Variants in XKR4 observed in about 807,000 individuals in gnomAD.
XKR4 encodes XK-related protein 4.
XKR4 carries 12 observed loss-of-function variants against 53.9 expected under a neutral mutation model. That is an observed-to-expected ratio of 0.22 (90% CI 0.14 to 0.36). The LOEUF (loss-of-function observed/expected upper bound fraction) is 0.36, where lower values mean the gene tolerates loss of function less well. Ranked by LOEUF, XKR4 falls within the 10% of genes least tolerant of loss-of-function variation. XKR4 has a pLI of 1.00. For synonymous variants in XKR4, 354 were observed against 362.4 expected (o/e 0.98, Z 0.26); for missense variants, 799 against 859.5 (o/e 0.93, Z 0.88).
intron 2 of XKR4, among the ~76,000 whole-genome samples, chr8:55,483,032 T>C (rs1806134520): frequency 6.6e-6 from 1 of 152,190 alleles, no homozygotes; most frequent in African/African-American, 2.4e-5. Flanking sequence ...TCTAAGTAAA[T>C]GAATATGAGT....
intron 2 of XKR4, among the ~76,000 whole-genome samples, chr8:55,419,938 T>C (rs1283796072): frequency 1.3e-5 from 2 of 152,248 alleles, no homozygotes; most frequent in Non-Finnish European, 2.9e-5. Flanking sequence ...TGACAGCTGG[T>C]AACACAATGA....
At chr8:55,409,757 A>G (rs2129391019) in intron 2 of XKR4, among the ~76,000 whole-genome samples, 1 of 152,322 alleles carries the variant, frequency 6.6e-6, no homozygotes, top group African/African-American at 2.4e-5. Context: ...ATAAAAATCT[A>G]TGGCCCTAGG....
chr8:55,118,185 T>C lies in XKR4; in HGVS notation c.806+14891T>C, dbSNP rs565054639. Among the ~76,000 whole-genome samples, 308 of 152,348 alleles carry C rather than the reference T, an allele frequency of 2.0e-3. 1 individual carries two copies. Among genetic ancestry groups the C allele is most frequent in the African/African-American group, 7.1e-3 (297 of 41,584 alleles). ...AAACACGGAGACTATAGGTCAGTTTTATCTAAAATGTGTCAAATTCATTTG... is the reference window on the plus strand; with the variant it reads ...AAACACGGAGACTATAGGTCAGTTTCATCTAAAATGTGTCAAATTCATTTG... On this transcript the variant is annotated intron_variant, in intron 1 of 2. Transcript: ENST00000327381.
intron 1 of XKR4, among the ~76,000 whole-genome samples, chr8:55,328,454 C>A (rs949078464): frequency 1.3e-5 from 2 of 152,134 alleles, no homozygotes; most frequent in Non-Finnish European, 2.9e-5. Flanking sequence ...CTCCTCACTC[C>A]CCACATCCTG....
intron 1 of XKR4, among the ~76,000 whole-genome samples, chr8:55,340,701 G>A (rs923016847): frequency 2.6e-5 from 4 of 152,156 alleles, no homozygotes; most frequent in South Asian, 2.1e-4. Context: ...TTTTCATTCC[G>A]AGTGAGTTCA....
At position 55,452,727 on chromosome 8, in the gene XKR4, T is replaced by A. The variant is rs773402189; in HGVS notation, c.1007-70554T>A. The A allele has an allele frequency of 8.2e-6, 8 of 976,458 alleles. No individual in the cohort carries two copies. In the East Asian group the frequency reaches 1.2e-4, roughly 15 times the overall value. The allele number at this position is 976,458 out of a possible 1,614,324, so 60.5% of individuals were successfully genotyped here. On this transcript the variant is annotated intron_variant, in intron 2 of 2. Coordinates refer to ENST00000327381, the MANE Select transcript of XKR4 (RefSeq NM_052898.2). ...GAAGTGGACCACAGCCCCAGCTACA[T>A]TGCAGGTCTCTCTGTCCTCAAAGCC...
At chr8:55,156,451 G>A (rs1269741712) in intron 1 of XKR4, among the ~76,000 whole-genome samples, 1 of 131,528 alleles carries the variant, frequency 7.6e-6, no homozygotes, top group African/African-American at 2.8e-5. Context: ...GGCGGGGGTG[G>A]GGTGGGGTGT....
chr8:55,473,958 T>G (rs1805933796), intron 2 of XKR4, among the ~76,000 whole-genome samples: 1 of 151,702 alleles, frequency 6.6e-6, no homozygotes, highest in Non-Finnish European at 1.5e-5. Context: ...CAGGCTAGAG[T>G]GCAGTGGCAC....
chr8:55,255,370 G>A (rs1040211665), intron 1 of XKR4, among the ~76,000 whole-genome samples: 6 of 152,124 alleles, frequency 3.9e-5, no homozygotes, highest in African/African-American at 1.4e-4. Context: ...TTAAAAATTA[G>A]GTACTTACTG....
chr8:55,201,510 GA>G (rs1194070158), intron 1 of XKR4, among the ~76,000 whole-genome samples: 2 of 152,206 alleles, frequency 1.3e-5, no homozygotes, highest in African/African-American at 4.8e-5. Flanking sequence ...GAGACCCAGA[GA>G]ATGTCTGGAA....
At chr8:55,350,173 C>T (rs917726530) in intron 1 of XKR4, among the ~76,000 whole-genome samples, 1 of 152,154 alleles carries the variant, frequency 6.6e-6, no homozygotes, top group African/African-American at 2.4e-5. Context: ...ATTTTTTGTA[C>T]TATAAATAAC....
chr8:55,326,235 T>C (rs1188439695), intron 1 of XKR4, among the ~76,000 whole-genome samples: 1 of 152,194 alleles, frequency 6.6e-6, no homozygotes, highest in African/African-American at 2.4e-5. Flanking sequence ...GGTGGGGATG[T>C]TGGCGATTGT....
chr8:55,121,974 T>C (rs1397369037), intron 1 of XKR4, among the ~76,000 whole-genome samples: 1 of 152,126 alleles, frequency 6.6e-6, no homozygotes, highest in African/African-American at 2.4e-5. Flanking sequence ...TGGACCTGAA[T>C]GGAGAATGTA....
At chr8:55,464,388 T>C (rs1006974545) in intron 2 of XKR4, among the ~76,000 whole-genome samples, 2 of 152,164 alleles carry the variant, frequency 1.3e-5, no homozygotes, top group African/African-American at 4.8e-5. Flanking sequence ...CATGATTATC[T>C]CAATAGATGC....
chr8:55,302,286 G>C (rs1420328302), intron 1 of XKR4, among the ~76,000 whole-genome samples: 1 of 152,216 alleles, frequency 6.6e-6, no homozygotes, highest in African/African-American at 2.4e-5. Context: ...TGTCAGGTTT[G>C]TCAAAGATCA....
intron 1 of XKR4, among the ~76,000 whole-genome samples, chr8:55,312,745 C>T (rs1261983147): frequency 6.6e-6 from 1 of 152,010 alleles, no homozygotes; most frequent in African/African-American, 2.4e-5. Flanking sequence ...GTATTCTTTT[C>T]CTCTTTTGGG....
chr8:55,150,266 C>T (rs1006203092), intron 1 of XKR4, among the ~76,000 whole-genome samples: 1 of 152,104 alleles, frequency 6.6e-6, no homozygotes, highest in Non-Finnish European at 1.5e-5. Context: ...CCATTTTTTT[C>T]TCTTCTTGTT....
intron 2 of XKR4, among the ~76,000 whole-genome samples, chr8:55,374,377 G>A (rs77531572): frequency 0.023 from 3,528 of 152,246 alleles, 62 homozygotes; most frequent in Non-Finnish European, 0.035. Context: ...AGAGGTCAGT[G>A]GACACCCAAA....
In XKR4 at chr8:55,451,306, G is replaced by A. The variant is rs540389609; in HGVS notation, c.1007-71975G>A. 6.7e-6 allele frequency: 4 copies of A among 596,594 alleles called. No individual in the cohort carries two copies. In the East Asian group the frequency reaches 1.1e-4, roughly 17 times the overall value. 37.0% of individuals were successfully genotyped at this position (596,594 alleles called of 1,614,324 possible). On this transcript the variant is annotated intron_variant, in intron 2 of 2. Coordinates refer to ENST00000327381, the MANE Select transcript of XKR4 (RefSeq NM_052898.2). Reference sequence around the variant, plus strand: ...TCGGGGTGCAGTCAGTCTGGATGCCGCCGCCATGGGGTTAGACAGAGTGGT... The same window carrying A: ...TCGGGGTGCAGTCAGTCTGGATGCCACCGCCATGGGGTTAGACAGAGTGGT...
Sources: gnomAD v4.1 joint callset for allele counts (sites outside exome capture counted in the v4.1 genomes callset) on GRCh38, gnomAD v4.1.1 for gene constraint, MANE v1.5 for transcripts, NCBI Gene and HGNC (gene_info 2026-07-23, HGNC 2026-07-21) for gene names.